FGD1: variants seen among roughly 807,000 people sequenced by gnomAD.
The protein encoded by FGD1 is FYVE, RhoGEF and PH domain containing 1.
In FGD1, 12 loss-of-function variants were observed where a neutral mutation model predicts 65.0. The observed-to-expected ratio is 0.18, with a 90% CI of 0.12 to 0.30. The LOEUF is 0.30. Among genes scored for constraint, FGD1 ranks in the 10% least tolerant of loss-of-function variants. The pLI, the probability that FGD1 is intolerant of heterozygous loss-of-function variation, is 1.00. For missense variants in FGD1, 542 were observed against 837.6 expected (o/e 0.65, Z 4.36); for synonymous variants, 333 against 343.9 (o/e 0.97, Z 0.35).
intron 12 of FGD1, among the ~76,000 whole-genome samples, chrX:54,452,207 A>C (rs5961067): frequency 0.16 from 15,489 of 99,735 alleles, 2,887 homozygotes; most frequent in African/African-American, 0.5. Context: ...TTCGAGGCTG[A>C]AGGGAGCCAT....
chrX:54,464,274 C>T (rs1422348968), intron 8 of FGD1, among the ~76,000 whole-genome samples: 1 of 109,345 alleles, frequency 9.1e-6, no homozygotes, highest in Non-Finnish European at 1.9e-5. Flanking sequence ...GCTGGGATTA[C>T]AGGTGCCCGC....
intron 1 of FGD1, among the ~76,000 whole-genome samples, chrX:54,479,872 C>T (rs973638667): frequency 9.0e-6 from 1 of 110,600 alleles, no homozygotes; most frequent in African/African-American, 3.3e-5. Flanking sequence ...ACTCCGCCTT[C>T]AAGGCCAGAC....
chrX:54,485,105 C>T (rs1569541449), intron 1 of FGD1, among the ~76,000 whole-genome samples: 1 of 112,545 alleles, frequency 8.9e-6, no homozygotes, highest in Non-Finnish European at 1.9e-5. Flanking sequence ...TGGGGAAGTC[C>T]TTTTCCCAGC....
chrX:54,458,971 GAGA>G (rs1266108548), intron 8 of FGD1, among the ~76,000 whole-genome samples: 4 of 111,439 alleles, frequency 3.6e-5, no homozygotes, highest in Admixed American at 1.9e-4. Flanking sequence ...AAGACCCAGG[GAGA>G]AGGTGACCAC....
At chrX:54,454,633 G>A (rs1358979565) in intron 12 of FGD1, among the ~76,000 whole-genome samples, 1 of 94,506 alleles carries the variant, frequency 1.1e-5, no homozygotes, top group Non-Finnish European at 2.0e-5. Context: ...GTGACAGAGT[G>A]AGACTCTGTC....
intron 12 of FGD1, among the ~76,000 whole-genome samples, chrX:54,454,645 TAA>T (rs59245505): frequency 2.3e-4 from 18 of 78,920 alleles, no homozygotes; most frequent in Admixed American, 3.0e-4. Context: ...GACTCTGTCT[TAA>T]AAAAAAAAAA....
At chrX:54,487,080 A>G (rs2147444646) in intron 1 of FGD1, among the ~76,000 whole-genome samples, 1 of 107,355 alleles carries the variant, frequency 9.3e-6, no homozygotes, top group East Asian at 3.3e-4. Flanking sequence ...ATTTTGGCTC[A>G]CTGCAACCTC....
chrX:54,479,014 G>GA (rs1357221443), intron 1 of FGD1, among the ~76,000 whole-genome samples: 1 of 111,809 alleles, frequency 8.9e-6, no homozygotes, highest in Non-Finnish European at 1.9e-5. Context: ...ATACAAACCA[G>GA]AAAAAAACTG....
At chrX:54,485,286 C>T (rs1001971384) in intron 1 of FGD1, among the ~76,000 whole-genome samples, 1 of 111,036 alleles carries the variant, frequency 9.0e-6, no homozygotes, top group Non-Finnish European at 1.9e-5. Flanking sequence ...TTCTCCTTTC[C>T]GTAAGCAAAC....
At chrX:54,483,057 G>T (rs1923188107) in intron 1 of FGD1, among the ~76,000 whole-genome samples, 1 of 111,915 alleles carries the variant, frequency 8.9e-6, no homozygotes. Flanking sequence ...CTTGCCCAAG[G>T]TCACGTGACA....
At chrX:54,461,894 C>T (rs1922645571) in intron 8 of FGD1, among the ~76,000 whole-genome samples, 1 of 110,599 alleles carries the variant, frequency 9.0e-6, no homozygotes, top group Non-Finnish European at 1.9e-5. Context: ...TTTGGCAATA[C>T]TTGTCTATAG....
In FGD1 at chrX:54,496,113, G is replaced by C. The variant is rs1293450122; in HGVS notation, c.-681C>G. On this transcript the variant is annotated 5_prime_UTR_variant, in exon 1 of 18. Transcript: ENST00000375135. ...AGAACGGCCTGGGCCGGGCTCCACC[G>C]TCCTCCCCAGCTTCAGCCTGGGTCT... The C allele has an allele frequency of 9.1e-6, 1 of 109,896 alleles. No individual in the cohort carries two copies. Among genetic ancestry groups the C allele is most frequent in the African/African-American group, 3.3e-5 (1 of 30,250 alleles). The allele number at this position is 109,896 out of a possible 1,213,427, so 9.1% of individuals were successfully genotyped here.
Position 54,455,471 on chromosome X carries a change from C to T in FGD1, c.1992G>A (p.Gln664=). 1 of 1,211,134 alleles carries T rather than the reference C, an allele frequency of 8.3e-7. No homozygotes were observed. Residue 664 remains glutamine, a synonymous_variant, in exon 12 of 18, where the codon CAG becomes CAA. Coordinates refer to ENST00000375135, the MANE Select transcript of FGD1 (RefSeq NM_004463.3). ...ACCTGGCCTGGAGCTCGAGGGAGCG[C>T]TGCTTTCCTGACACCAGGAAGGTTC... is the stretch of plus-strand genomic sequence containing the variant. ...LPRTFLVSGK[Q]RSLELQARTE...
chrX:54,450,119 G>T, intron 13 of FGD1, 152 bp downstream of exon 13: 1 of 572,805 alleles, frequency 1.7e-6, no homozygotes, highest in Admixed American at 2.6e-5. Flanking sequence ...ACCTCAGTTT[G>T]CTTATCTGTA....
intron 1 of FGD1, among the ~76,000 whole-genome samples, chrX:54,481,445 A>G (rs1010874631): frequency 1.0e-5 from 1 of 96,982 alleles, no homozygotes; most frequent in Non-Finnish European, 2.1e-5. Context: ...TGTTGATGCT[A>G]TCTCGTATGG....
chrX:54,464,127 CTTTTTTTTTT>C (rs1195226924), intron 8 of FGD1, among the ~76,000 whole-genome samples: 2 of 50,565 alleles, frequency 4.0e-5, no homozygotes, highest in African/African-American at 9.8e-5. Context: ...ACGCCCAGCT[CTTTTTTTTTT>C]TTTTTTTTTT....
At chrX:54,495,030 T>C in intron 1 of FGD1, 96 bp downstream of exon 1, 1 of 964,323 alleles carries the variant, frequency 1.0e-6, no homozygotes, top group South Asian at 2.1e-5. Context: ...AGCGAGCCTG[T>C]TCCGAGGTGG....
chrX:54,468,775 G>A lies in FGD1; in HGVS notation c.1191+12C>T. 8.4e-7 allele frequency: 1 copy of A among 1,186,754 alleles called. No homozygotes were observed. The highest frequency in any genetic ancestry group is 1.1e-6 in the Non-Finnish European group (1 of 874,782). On this transcript the variant is annotated intron_variant, in intron 5 of 17. Transcript: ENST00000375135. ...GGTCCTGGGGCCCTCGTACCCCCAA[G>A]GGGCCACTCACCTGATCCAGGAGAT...
At position 54,477,892 on chromosome X, in the gene FGD1, G is replaced by A. The variant is rs761007669; in HGVS notation, c.308-6405C>T. ...CCCAGCACTTTAGGAGGCCGAGGTG[G>A]GTAGATCATGAGGTCAGGAGTTCGA... On this transcript the variant is annotated intron_variant, in intron 1 of 17. Transcript: ENST00000375135. Among the ~76,000 whole-genome samples the A allele has an allele frequency of 2.2e-4, 24 of 110,484 alleles. No homozygotes were observed. The South Asian group carries it at 5.5e-3, about 25-fold the overall frequency.
Sources: gnomAD v4.1 joint callset for allele counts (sites outside exome capture counted in the v4.1 genomes callset) on GRCh38, gnomAD v4.1.1 for gene constraint, MANE v1.5 for transcripts, NCBI Gene and HGNC (gene_info 2026-07-23, HGNC 2026-07-21) for gene names.